The following CASZ1 variants were observed in gnomAD, a reference collection of about 807,000 sequenced individuals.
CASZ1 encodes zinc finger protein castor homolog 1.
CASZ1 carries 28 observed loss-of-function variants against 135.2 expected under a neutral mutation model. That is an observed-to-expected ratio of 0.21 (90% CI 0.15 to 0.28). CASZ1 has a LOEUF of 0.28. CASZ1 is among the 10% of genes least tolerant of loss of function. The pLI is 1.00. For synonymous variants in CASZ1, 1,068 were observed against 1,073.4 expected (o/e 0.99, Z 0.10); for missense variants, 2,161 against 2,453.3 (o/e 0.88, Z 2.52).
Position 10,639,395 on chromosome 1 carries a change from C to G in CASZ1, c.4827G>C (p.Ala1609=), listed in dbSNP as rs767128575. ...ERGEPAAEGP[A]PGPPISLDGS... is the part of the protein sequence containing the mutation. ...CGTCCAGACTGATGGGAGGCCCGGG[C>G]GCGGGGCCCTCTGCCGCGGGCTCGC... The change falls in exon 21 of 21, where the codon GCG becomes GCC. Residue 1609 remains alanine (A), a synonymous_variant. Coordinates refer to ENST00000377022, the MANE Select transcript of CASZ1 (RefSeq NM_001079843.3). The surrounding 1 kb of genome is among the most constrained non-coding windows in gnomAD (Gnocchi z 4.0). 23 of 1,546,074 alleles carry G rather than the reference C, an allele frequency of 1.5e-5. No individual in the cohort carries two copies. The African/African-American group carries it at 2.9e-4, about 19-fold the overall frequency.
intron 1 of CASZ1, among the ~76,000 whole-genome samples, chr1:10,784,278 T>TG (rs956812770): frequency 1.2e-4 from 19 of 152,078 alleles, no homozygotes; most frequent in South Asian, 2.1e-4. Flanking sequence ...CACTGTCCCA[T>TG]GGGGGGGTCC....
Position 10,708,380 on chromosome 1 carries a change from C to G in CASZ1, c.-76-2836G>C, listed in dbSNP as rs137991550. ...AACTAAGGGCAGTGGCCCTACCCAC[C>G]TTTTACCCACCCTTAATCTCTGAAG... On this transcript the variant is annotated intron_variant, in intron 2 of 20. Coordinates refer to ENST00000377022, the MANE Select transcript of CASZ1 (RefSeq NM_001079843.3). Among the ~76,000 whole-genome samples the G allele has an allele frequency of 3.5e-3, 530 of 152,320 alleles. 17 individuals carry two copies. In the South Asian group the frequency reaches 0.077, roughly 22 times the overall value.
chr1:10,692,854 T>A (rs1638812356), intron 4 of CASZ1, among the ~76,000 whole-genome samples: 1 of 152,160 alleles, frequency 6.6e-6, no homozygotes, highest in African/African-American at 2.4e-5. Context: ...GTATCACCTA[T>A]CCCATCAATG....
rs1287373468 is a variant in CASZ1 at position 10,794,921 on chromosome 1, C to T, written c.-234+1643G>A. The stretch of plus-strand genomic sequence containing the variant: ...GCGCCCGGCCAGCCCCCGCCAGCGG[C>T]CCCAGCGCGCCTCTGCCCGCACCTC... On this transcript the variant is annotated intron_variant, in intron 1 of 20. Transcript: ENST00000377022. The surrounding 1 kb of genome is among the most constrained non-coding windows in gnomAD (Gnocchi z 5.6). 1.3e-5 allele frequency among the ~76,000 whole-genome samples: 2 copies of T among 150,872 alleles called. No individual in the cohort carries two copies. The highest frequency in any genetic ancestry group is 3.0e-5 in the Non-Finnish European group (2 of 67,632).
intron 3 of CASZ1, among the ~76,000 whole-genome samples, chr1:10,695,070 C>T (rs1298574119): frequency 2.0e-5 from 3 of 151,270 alleles, no homozygotes; most frequent in Non-Finnish European, 4.4e-5. Flanking sequence ...CTTCCCTGCT[C>T]CCCTGCCCGC....
rs572824153 is a variant in CASZ1 at position 10,700,080 on chromosome 1, GAC to G, written c.-24+5410_-24+5411del. On this transcript the variant is annotated intron_variant, in intron 3 of 20. Transcript: ENST00000377022. This position sits in a 1 kb window ranked among gnomAD's most constrained non-coding sequence, Gnocchi z 4.2. The stretch of plus-strand genomic sequence containing the variant: ...AGACAGAGAGAGAAAGAGAGATAGA[GAC>G]ACACACACACACACACACACACACA... Among the ~76,000 whole-genome samples the G allele has an allele frequency of 0.014, 1,834 of 133,816 alleles. 39 individuals are homozygous for G. Among genetic ancestry groups the G allele is most frequent in the African/African-American group, 0.036 (1,257 of 35,284 alleles). The allele number at this position is 133,816 out of a possible 152,430, so 87.8% of individuals were successfully genotyped here. A position where few individuals can be genotyped will look rare whatever the true frequency, so the allele number is the denominator to read the frequency against.
rs186231632 is a variant in CASZ1, at chr1:10,709,749, G to A, written c.-76-4205C>T. Among the ~76,000 whole-genome samples the A allele has an allele frequency of 3.9e-5, 6 of 152,326 alleles. No individual in the cohort carries two copies. The highest frequency in any genetic ancestry group is 3.4e-3 in the Middle Eastern group (1 of 294). On this transcript the variant is annotated intron_variant, in intron 2 of 20. Transcript: ENST00000377022. This position sits in a 1 kb window ranked among gnomAD's most constrained non-coding sequence, Gnocchi z 5.1. ...GAGCAGTGCCCCGGGCAGTGCCGCA[G>A]GGGGATGCGCACCAGGGGGATCCCA... is the stretch of plus-strand genomic sequence containing the variant.
At chr1:10,696,452 G>C (rs1239007352) in intron 3 of CASZ1, among the ~76,000 whole-genome samples, 5 of 152,276 alleles carry the variant, frequency 3.3e-5, no homozygotes, top group Non-Finnish European at 7.3e-5. Context: ...ACCCAGCACA[G>C]AGGACTGTGT....
At chr1:10,693,738 G>A in intron 4 of CASZ1, 136 bp downstream of exon 4, 1 of 816,118 alleles carries the variant, frequency 1.2e-6, no homozygotes, top group South Asian at 1.4e-5. Context: ...AGGCCGGGAC[G>A]CCGGGAGGCA....
At position 10,647,023 on chromosome 1, in the gene CASZ1, T is replaced by G. The variant is rs1242272317; in HGVS notation, c.3498-697A>C. On this transcript the variant is annotated intron_variant, in intron 16 of 20. Transcript: ENST00000377022. This position sits in a 1 kb window ranked among gnomAD's most constrained non-coding sequence, Gnocchi z 4.9. The stretch of plus-strand genomic sequence containing the variant: ...AGCCTTCAACTCTGGTTGGCAACAC[T>G]GTAGTCCCCTCCCAGGGGACCCACG... 1.3e-5 allele frequency among the ~76,000 whole-genome samples: 2 copies of G among 151,202 alleles called. No individual in the cohort carries two copies. The highest frequency in any genetic ancestry group is 4.9e-5 in the African/African-American group (2 of 41,080).
chr1:10,674,049 G>A (rs754558364), intron 4 of CASZ1, among the ~76,000 whole-genome samples: 6 of 152,246 alleles, frequency 3.9e-5, no homozygotes, highest in Non-Finnish European at 5.9e-5. Flanking sequence ...ACTGAATGGC[G>A]ACAAGGCAGG....
chr1:10,679,543 C>T lies in CASZ1; in HGVS notation c.17-13972G>A, dbSNP rs1001827654. Among the ~76,000 whole-genome samples, 11 of 152,148 alleles carry T rather than the reference C, an allele frequency of 7.2e-5. No homozygotes were observed. Among genetic ancestry groups the T allele is most frequent in the African/African-American group, 2.7e-4 (11 of 41,424 alleles). On this transcript the variant is annotated intron_variant, in intron 4 of 20. Coordinates refer to ENST00000377022, the MANE Select transcript of CASZ1 (RefSeq NM_001079843.3). The surrounding 1 kb of genome is among the most constrained non-coding windows in gnomAD (Gnocchi z 4.7). ...TCTGGCATTCTCCTAGGGCCCCCCG[C>T]GGGCCCCTCCTCCCCATACCATAGT...
rs185945206 is a variant in CASZ1, at chr1:10,719,736, G to A, written c.-76-14192C>T. Among the ~76,000 whole-genome samples the A allele has an allele frequency of 7.2e-5, 11 of 152,336 alleles. No homozygotes were observed. The highest frequency in any genetic ancestry group is 3.3e-4 in the Admixed American group (5 of 15,304). Reference sequence around the variant, plus strand: ...GCACAGTGAGAGAAGAGGCAGCAGGGTATGGGAATAGAGGAATTGGGCACT... The same window carrying A: ...GCACAGTGAGAGAAGAGGCAGCAGGATATGGGAATAGAGGAATTGGGCACT... On this transcript the variant is annotated intron_variant, in intron 2 of 20. Coordinates refer to ENST00000377022, the MANE Select transcript of CASZ1 (RefSeq NM_001079843.3). The surrounding 1 kb of genome is among the most constrained non-coding windows in gnomAD (Gnocchi z 4.0).
At chr1:10,763,765 G>A (rs1170985414) in intron 1 of CASZ1, among the ~76,000 whole-genome samples, 4 of 152,232 alleles carry the variant, frequency 2.6e-5, no homozygotes, top group Non-Finnish European at 5.9e-5. Flanking sequence ...GGCAGCGAAG[G>A]TGTCGGTGGA....
At chr1:10,655,615 G>A (rs1384408965) in intron 9 of CASZ1, 34 bp downstream of exon 9, 2 of 1,587,934 alleles carry the variant, frequency 1.3e-6, no homozygotes, top group Middle Eastern at 1.9e-4. Flanking sequence ...GGCCAGTCCT[G>A]CAGCTGCCCA....
intron 4 of CASZ1, among the ~76,000 whole-genome samples, chr1:10,685,673 G>A (rs1638563312): frequency 6.6e-6 from 1 of 151,596 alleles, no homozygotes. Flanking sequence ...CAGCCCCCGG[G>A]CACGAAGCTG....
In CASZ1 at chr1:10,776,192, C is replaced by T. The variant is rs1362333013; in HGVS notation, c.-233-15335G>A. On this transcript the variant is annotated intron_variant, in intron 1 of 20. Coordinates refer to ENST00000377022, the MANE Select transcript of CASZ1 (RefSeq NM_001079843.3). The surrounding 1 kb of genome is among the most constrained non-coding windows in gnomAD (Gnocchi z 4.1). ...ACAAAATGGTAATAAAACACTAATA[C>T]AGCGTCTTGTATCCAGGGGAAGAGC... Among the ~76,000 whole-genome samples the T allele has an allele frequency of 2.0e-5, 3 of 152,274 alleles. No homozygotes were observed. Among genetic ancestry groups the T allele is most frequent in the Non-Finnish European group, 4.4e-5 (3 of 68,046 alleles).
chr1:10,640,882 T>C (rs1642182528), intron 20 of CASZ1, among the ~76,000 whole-genome samples: 2 of 152,192 alleles, frequency 1.3e-5, no homozygotes, highest in African/African-American at 4.8e-5. Context: ...TAACCCTTTC[T>C]GGGAGGTACC....
At chr1:10,781,393 A>G (rs868733470) in intron 1 of CASZ1, among the ~76,000 whole-genome samples, 3 of 152,342 alleles carry the variant, frequency 2.0e-5, no homozygotes, top group Non-Finnish European at 4.4e-5. Flanking sequence ...GTCTGCGAGG[A>G]GAAGCCAAGG....
Sources: allele counts gnomAD v4.1 joint callset (sites outside exome capture counted in the v4.1 genomes callset), GRCh38; gene constraint gnomAD v4.1.1; non-coding constraint Gnocchi (gnomAD v3.1); transcripts MANE v1.5; gene names NCBI Gene and HGNC (gene_info 2026-07-23, HGNC 2026-07-21).